Variants in RHBDL2 observed in about 807,000 individuals in gnomAD.
RHBDL2 encodes rhomboid like 2, also known as rhomboid-related protein 2.
Under a neutral mutation model 31.7 loss-of-function variants are expected in RHBDL2, and 26 were observed. That is an observed-to-expected ratio of 0.82 (90% CI 0.60 to 1.14). The LOEUF is 1.14. Ranked by LOEUF, RHBDL2 falls within the 50% of genes most tolerant of loss-of-function variation. The pLI is 0.00. For synonymous variants in RHBDL2, 123 were observed against 127.2 expected, an observed-to-expected ratio of 0.97 and a Z score of 0.22; for missense variants, 336 against 364.4, an observed-to-expected ratio of 0.92 and a Z score of 0.63.
intron 4 of RHBDL2, among the ~76,000 whole-genome samples, chr1:38,905,034 A>AAAAAT (rs1376036317): frequency 1.2e-4 from 18 of 150,692 alleles, no homozygotes; most frequent in African/African-American, 4.4e-4. Context: ...CCGTCTCAAA[A>AAAAAT]AAAATAAAAA....
intron 4 of RHBDL2, among the ~76,000 whole-genome samples, chr1:38,899,958 C>G (rs939919514): frequency 1.3e-5 from 2 of 152,180 alleles, no homozygotes; most frequent in Admixed American, 6.5e-5. Context: ...CGACTTTTCT[C>G]TAGGTCCTTT....
intron 1 of RHBDL2, among the ~76,000 whole-genome samples, chr1:38,932,970 C>T (rs1251689045): frequency 6.6e-6 from 1 of 152,176 alleles, no homozygotes; most frequent in Non-Finnish European, 1.5e-5. Flanking sequence ...GTTTCCACTC[C>T]TGCCTCCCTC....
chr1:38,903,041 G>A (rs1557611861), intron 4 of RHBDL2, among the ~76,000 whole-genome samples: 1 of 152,104 alleles, frequency 6.6e-6, no homozygotes, highest in Admixed American at 6.6e-5. Flanking sequence ...GCTTCTAGAA[G>A]TAATAAGTGA....
intron 5 of RHBDL2, among the ~76,000 whole-genome samples, chr1:38,895,663 G>C (rs964433319): frequency 7.9e-5 from 12 of 152,084 alleles, no homozygotes; most frequent in African/African-American, 2.9e-4. Flanking sequence ...CATTAGTCAG[G>C]CATGGTGGCC....
chr1:38,891,173 ATTGC>A (rs1642848905), intron 6 of RHBDL2, among the ~76,000 whole-genome samples: 1 of 144,560 alleles, frequency 6.9e-6, no homozygotes, highest in Non-Finnish European at 1.5e-5. Context: ...AGACAGGAGA[ATTGC>A]TTGAACCCAG....
At chr1:38,929,899 G>C (rs954347112) in intron 1 of RHBDL2, among the ~76,000 whole-genome samples, 3 of 152,232 alleles carry the variant, frequency 2.0e-5, no homozygotes, top group African/African-American at 7.2e-5. Context: ...TTACAGGTTT[G>C]TGGTTGTGGT....
chr1:38,908,878 T>C lies in RHBDL2; in HGVS notation c.508+2444A>G, dbSNP rs571062104. 2.0e-5 allele frequency among the ~76,000 whole-genome samples: 3 copies of C among 152,306 alleles called. No individual in the cohort carries two copies. The East Asian group carries it at 5.8e-4, about 29-fold the overall frequency. ...ATTCTTGCCTGATGTACAGGAAGAA[T>C]TGGATGGATAACACGTGGGCTTGGA... On this transcript the variant is annotated intron_variant, in intron 4 of 7. Coordinates refer to ENST00000372990, the MANE Select transcript of RHBDL2 (RefSeq NM_017821.5).
At chr1:38,911,964 G>A (rs1643154372) in intron 3 of RHBDL2, among the ~76,000 whole-genome samples, 1 of 151,232 alleles carries the variant, frequency 6.6e-6, no homozygotes, top group Non-Finnish European at 1.5e-5. Context: ...CTGCAACCAC[G>A]CCCAGCTAAT....
At chr1:38,894,831 C>T (rs1001615455) in intron 5 of RHBDL2, among the ~76,000 whole-genome samples, 15 of 145,244 alleles carry the variant, frequency 1.0e-4, no homozygotes, top group African/African-American at 2.8e-4. Flanking sequence ...CTCAGTCTCT[C>T]GAGTAGCTGG....
chr1:38,894,022 T>C (rs7539067), intron 5 of RHBDL2, among the ~76,000 whole-genome samples: 54,579 of 152,042 alleles, frequency 0.36, 10,966 homozygotes, highest in Non-Finnish European at 0.45. Context: ...GTAACTCTCT[T>C]CCCAAGGAGT....
At chr1:38,940,552 G>A (rs1027663222) in intron 1 of RHBDL2, among the ~76,000 whole-genome samples, 4 of 152,040 alleles carry the variant, frequency 2.6e-5, no homozygotes, top group Non-Finnish European at 5.9e-5. Flanking sequence ...TTTACACGCT[G>A]CCTACGTGCT....
chr1:38,929,589 C>G, intron 1 of RHBDL2: 2 of 1,281,694 alleles, frequency 1.6e-6, no homozygotes, highest in Non-Finnish European at 2.0e-6. Context: ...CAGGCAGGCC[C>G]CTGCCGGGGC....
At chr1:38,906,284 A>C (rs1220462379) in intron 4 of RHBDL2, among the ~76,000 whole-genome samples, 1 of 152,208 alleles carries the variant, frequency 6.6e-6, no homozygotes, top group Non-Finnish European at 1.5e-5. Flanking sequence ...TATAGATGAC[A>C]TGATGATTTG....
intron 6 of RHBDL2, 55 bp from the exon 7 acceptor site, chr1:38,888,079 ATGTT>A: frequency 1.7e-6 from 2 of 1,204,484 alleles, no homozygotes; most frequent in Non-Finnish European, 1.2e-6. Flanking sequence ...AGTACACCAA[ATGTT>A]TTTGGTTCCC....
At chr1:38,896,323 C>T (rs1642918281) in intron 4 of RHBDL2, among the ~76,000 whole-genome samples, 1 of 152,144 alleles carries the variant, frequency 6.6e-6, no homozygotes, top group African/African-American at 2.4e-5. Flanking sequence ...GCCAGAATTA[C>T]CAGCAGTGTG....
intron 4 of RHBDL2, among the ~76,000 whole-genome samples, chr1:38,901,136 A>G (rs970738038): frequency 6.6e-6 from 1 of 151,926 alleles, no homozygotes; most frequent in South Asian, 2.1e-4. Flanking sequence ...GCACCATCCA[A>G]CTAGATAAAA....
intron 6 of RHBDL2, among the ~76,000 whole-genome samples, chr1:38,890,878 G>A (rs1642845084): frequency 6.6e-6 from 1 of 152,010 alleles, no homozygotes; most frequent in Non-Finnish European, 1.5e-5. Context: ...TTTTTTTGTA[G>A]AGACAGAGTC....
chr1:38,940,159 T>C (rs139523726), intron 1 of RHBDL2, among the ~76,000 whole-genome samples: 1 of 152,286 alleles, frequency 6.6e-6, no homozygotes, highest in Non-Finnish European at 1.5e-5. Context: ...AATAATAATA[T>C]CATAAGAGGA....
intron 4 of RHBDL2, among the ~76,000 whole-genome samples, chr1:38,904,689 T>A (rs913300022): frequency 6.8e-5 from 10 of 147,278 alleles, no homozygotes; most frequent in Non-Finnish European, 1.3e-4. Flanking sequence ...ACATATATAT[T>A]TATATATATA....
Sources: allele counts gnomAD v4.1 joint callset (sites outside exome capture counted in the v4.1 genomes callset), GRCh38; gene constraint gnomAD v4.1.1; transcripts MANE v1.5; gene names NCBI Gene and HGNC (gene_info 2026-07-23, HGNC 2026-07-21).